The following PABPC4L variants were observed in gnomAD, a reference collection of about 807,000 sequenced individuals.
The protein encoded by PABPC4L is polyadenylate-binding protein 4-like.
For missense variants in PABPC4L, 452 were observed against 451.4 expected (o/e 1.00, Z -0.01); for synonymous variants, 169 against 164.1 (o/e 1.03, Z -0.23).
the PABPC4L span, among the ~76,000 whole-genome samples, chr4:133,949,719 G>T: frequency 6.6e-6 from 1 of 152,108 alleles, no homozygotes; most frequent in Non-Finnish European, 1.5e-5. Flanking sequence ...TTCCTTCCAA[G>T]TCTTAATTAG....
rs1318005403 is a variant in PABPC4L at position 134,200,063 on chromosome 4, A to C, written c.957T>G (p.Ile319Met). ...CTTCCTGCATTACCTTAACTCTGCT[A>C]ATTGATCCAAATGAAGAAAATTCGT... Reference protein sequence around the residue: ...LRNEFSSFGSISRVKVMQEEG... With the variant: ...LRNEFSSFGSMSRVKVMQEEG... The change falls in exon 2 of 2, where the codon ATT becomes ATG. Residue 319 changes from isoleucine to methionine, a missense_variant. By Grantham distance (10) the Ile-to-Met change is conservative (BLOSUM62 1). Coordinates refer to ENST00000421491, the MANE Select transcript of PABPC4L (RefSeq NM_001114734.2). 6.4e-7 allele frequency: 1 copy of C among 1,551,682 alleles called. No individual in the cohort carries two copies. Among genetic ancestry groups the C allele is most frequent in the Non-Finnish European group, 8.7e-7 (1 of 1,146,972 alleles).
chr4:134,082,578 AT>A, the PABPC4L span, among the ~76,000 whole-genome samples: 1 of 152,112 alleles, frequency 6.6e-6, no homozygotes, highest in African/African-American at 2.4e-5. Context: ...AAAAAAGTTT[AT>A]TATAGAAAAT....
the PABPC4L span, among the ~76,000 whole-genome samples, chr4:134,059,792 G>A: frequency 6.6e-6 from 1 of 151,982 alleles, no homozygotes; most frequent in Non-Finnish European, 1.5e-5. Context: ...GAAGCAAGAT[G>A]GCCAAATAGA....
At chr4:134,078,660 T>C in the PABPC4L span, among the ~76,000 whole-genome samples, 1 of 150,516 alleles carries the variant, frequency 6.6e-6, no homozygotes, top group Non-Finnish European at 1.5e-5. Context: ...GCTTTTTTTT[T>C]TTTTTTTTCA....
At chr4:134,004,967 T>C in the PABPC4L span, among the ~76,000 whole-genome samples, 6 of 151,420 alleles carry the variant, frequency 4.0e-5, no homozygotes, top group African/African-American at 1.5e-4. Context: ...TGAGACGGGG[T>C]TGGTAAGTGG....
At position 134,199,193 on chromosome 4, in the gene PABPC4L, T is replaced by G. The variant is rs1578883751; in HGVS notation, c.*714A>C. 1 of 152,102 alleles carries G rather than the reference T, an allele frequency of 6.6e-6. No individual in the cohort carries two copies. The highest frequency in any genetic ancestry group is 1.9e-4 in the East Asian group (1 of 5,200). The allele number at this position is 152,102 out of a possible 1,614,324, so 9.4% of individuals were successfully genotyped here. A position where few individuals can be genotyped will look rare whatever the true frequency, so the allele number is the denominator to read the frequency against. On this transcript the variant is annotated 3_prime_UTR_variant, in exon 2 of 2. Transcript: ENST00000421491. ...TTAAGGAATGTAGAAGTTAAGGTTTTACAGTGCAAGTTACAATTTAGATTA... is the reference window on the plus strand; with the variant it reads ...TTAAGGAATGTAGAAGTTAAGGTTTGACAGTGCAAGTTACAATTTAGATTA...
At chr4:134,052,103 T>C in the PABPC4L span, among the ~76,000 whole-genome samples, 1 of 152,090 alleles carries the variant, frequency 6.6e-6, no homozygotes, top group Non-Finnish European at 1.5e-5. Context: ...ACCAGCTGAT[T>C]ACAAAAAGAG....
downstream of PABPC4L, among the ~76,000 whole-genome samples, chr4:134,193,936 G>A (rs1350729013): frequency 6.6e-6 from 1 of 151,802 alleles, no homozygotes; most frequent in Non-Finnish European, 1.5e-5. Context: ...ACTTAATTTG[G>A]AATTTCATGC....
At chr4:134,183,924 G>T in the PABPC4L span, among the ~76,000 whole-genome samples, 12 of 150,274 alleles carry the variant, frequency 8.0e-5, no homozygotes, top group African/African-American at 2.9e-4. Context: ...GTGTGTGCGT[G>T]TGTGTGTGTG....
the PABPC4L span, among the ~76,000 whole-genome samples, chr4:134,017,251 C>T: frequency 1.3e-5 from 2 of 152,140 alleles, no homozygotes; most frequent in Admixed American, 6.5e-5. Flanking sequence ...AAGGACTACA[C>T]AATACTTTTA....
chr4:134,161,362 T>C, the PABPC4L span, among the ~76,000 whole-genome samples: 4 of 152,070 alleles, frequency 2.6e-5, no homozygotes, highest in Non-Finnish European at 5.9e-5. Context: ...ATACAAATCT[T>C]ATTCAAGGAA....
At chr4:134,127,584 C>T in the PABPC4L span, among the ~76,000 whole-genome samples, 4 of 152,082 alleles carry the variant, frequency 2.6e-5, no homozygotes, top group Non-Finnish European at 5.9e-5. Flanking sequence ...CAGGAAGCCC[C>T]ATCCCTAGGG....
At chr4:134,171,172 G>A in the PABPC4L span, among the ~76,000 whole-genome samples, 1 of 151,710 alleles carries the variant, frequency 6.6e-6, no homozygotes, top group African/African-American at 2.4e-5. Context: ...CTGCAGTACA[G>A]TGGCACAATC....
At chr4:134,163,243 A>G in the PABPC4L span, among the ~76,000 whole-genome samples, 1 of 152,108 alleles carries the variant, frequency 6.6e-6, no homozygotes, top group Non-Finnish European at 1.5e-5. Context: ...TATACATACA[A>G]ACTAGACCAT....
the PABPC4L span, among the ~76,000 whole-genome samples, chr4:134,158,342 C>T: frequency 6.6e-6 from 1 of 151,924 alleles, no homozygotes; most frequent in African/African-American, 2.4e-5. Flanking sequence ...TATAGATAAA[C>T]ATATATTCAA....
chr4:134,152,410 T>C, the PABPC4L span, among the ~76,000 whole-genome samples: 1 of 152,186 alleles, frequency 6.6e-6, no homozygotes, highest in Non-Finnish European at 1.5e-5. Context: ...TGAAAATTAA[T>C]AAAATTTAAG....
chr4:134,010,110 G>A, the PABPC4L span, among the ~76,000 whole-genome samples: 8 of 152,100 alleles, frequency 5.3e-5, no homozygotes, highest in African/African-American at 1.9e-4. Context: ...ACATTCTTGT[G>A]TTATTAAGCT....
the PABPC4L span, among the ~76,000 whole-genome samples, chr4:134,152,788 T>C: frequency 6.6e-6 from 1 of 152,124 alleles, no homozygotes; most frequent in Admixed American, 6.5e-5. Flanking sequence ...AGCAAAAAGG[T>C]TTTATTTGGC....
chr4:134,131,301 A>T, the PABPC4L span, among the ~76,000 whole-genome samples: 1 of 151,974 alleles, frequency 6.6e-6, no homozygotes, highest in Non-Finnish European at 1.5e-5. Context: ...AATCCTGAAG[A>T]CTCATCCAAA....
Sources: gnomAD v4.1 joint callset for allele counts (sites outside exome capture counted in the v4.1 genomes callset) on GRCh38, gnomAD v4.1.1 for gene constraint, MANE v1.5 for transcripts, NCBI Gene and HGNC (gene_info 2026-07-23, HGNC 2026-07-21) for gene names.